The following GALNT13 variants were observed in gnomAD, a reference collection of about 807,000 sequenced individuals.
The protein encoded by GALNT13 is UDP-GalNAc:polypeptide N-acetylgalactosaminyltransferase 13.
A neutral mutation model predicts 64.2 loss-of-function variants in GALNT13; 28 were observed. The observed-to-expected ratio is 0.44, with a 90% CI of 0.32 to 0.60. The LOEUF (loss-of-function observed/expected upper bound fraction) is 0.60, where lower values mean the gene tolerates loss of function less well. Ranked by LOEUF, GALNT13 falls within the 20% of genes least tolerant of loss-of-function variation. The probability of loss-of-function intolerance (pLI) is 0.05; values close to 1 mark genes in which losing one functional copy is unlikely to be tolerated. For missense variants in GALNT13, 577 were observed against 669.8 expected, an observed-to-expected ratio of 0.86 and a Z score of 1.53; for synonymous variants, 214 against 224.6, an observed-to-expected ratio of 0.95 and a Z score of 0.42.
At chr2:153,918,847 C>T (rs1031717380) in intron 2 of GALNT13, among the ~76,000 whole-genome samples, 23 of 152,220 alleles carry the variant, frequency 1.5e-4, no homozygotes, top group Non-Finnish European at 2.1e-4. Flanking sequence ...ATTAGCTACA[C>T]TGTAACTATT....
the GALNT13 span, among the ~76,000 whole-genome samples, chr2:153,797,134 C>T: frequency 2.0e-5 from 3 of 152,154 alleles, no homozygotes; most frequent in Non-Finnish European, 2.9e-5. Flanking sequence ...ATGCCTACTT[C>T]GTCAGCAGAT....
chr2:153,158,921 C>T, the GALNT13 span: 15 of 152,390 alleles, frequency 9.8e-5, no homozygotes, highest in Non-Finnish European at 1.9e-4. Context: ...ATTCTTTGGC[C>T]TGGGCCCTCA....
intron 4 of GALNT13, among the ~76,000 whole-genome samples, chr2:154,228,346 G>A (rs1313429589): frequency 6.6e-6 from 1 of 152,040 alleles, no homozygotes; most frequent in African/African-American, 2.4e-5. Context: ...CTTTGGTCCT[G>A]AGCTCTAGTT....
chr2:153,979,751 CAA>C (rs1239975683), intron 3 of GALNT13, among the ~76,000 whole-genome samples: 1 of 152,016 alleles, frequency 6.6e-6, no homozygotes, highest in Admixed American at 6.6e-5. Context: ...AGGAAGCTGA[CAA>C]AGAGTAAAGA....
chr2:154,133,534 TTATATA>T (rs201083794), intron 3 of GALNT13, among the ~76,000 whole-genome samples: 1,099 of 76,434 alleles, frequency 0.014, 12 homozygotes, highest in Admixed American at 0.016. Context: ...ACAGACCATT[TTATATA>T]TATATATATA....
the GALNT13 span, among the ~76,000 whole-genome samples, chr2:153,083,675 C>T: frequency 1.3e-5 from 2 of 151,998 alleles, no homozygotes; most frequent in Non-Finnish European, 2.9e-5. Context: ...ATATTTTCTC[C>T]CACTTTGTGG....
Position 154,020,713 on chromosome 2 carries a change from C to G in GALNT13, c.142+76074C>G, listed in dbSNP as rs879277656. Among the ~76,000 whole-genome samples, 449 of 150,368 alleles carry G rather than the reference C, an allele frequency of 3.0e-3. 1 individual carries two copies. Among genetic ancestry groups the G allele is most frequent in the African/African-American group, 0.011 (432 of 41,068 alleles). ...GAAGCTCTTTAGTTTAATTAGATCCCATTTGTCAATTTTGGCTTTTATTGC... is the reference window on the plus strand; with the variant it reads ...GAAGCTCTTTAGTTTAATTAGATCCGATTTGTCAATTTTGGCTTTTATTGC... On this transcript the variant is annotated intron_variant, in intron 3 of 12. Coordinates refer to ENST00000392825, the MANE Select transcript of GALNT13 (RefSeq NM_052917.4).
chr2:153,430,527 G>GGAGAGA, the GALNT13 span, among the ~76,000 whole-genome samples: 91 of 140,912 alleles, frequency 6.5e-4, no homozygotes, highest in Non-Finnish European at 9.9e-4. Context: ...AGGTAGGTAG[G>GGAGAGA]GAGAGAGAGA....
At chr2:154,295,884 G>A (rs904228204) in intron 8 of GALNT13, among the ~76,000 whole-genome samples, 2 of 152,152 alleles carry the variant, frequency 1.3e-5, no homozygotes, top group African/African-American at 4.8e-5. Flanking sequence ...ATGGCTTGCC[G>A]TTGTTGGCTT....
At chr2:153,123,251 C>G in the GALNT13 span, among the ~76,000 whole-genome samples, 4 of 152,184 alleles carry the variant, frequency 2.6e-5, no homozygotes, top group South Asian at 8.3e-4. Context: ...GGATTTTTCC[C>G]CTAGAGCCCT....
chr2:154,334,811 G>C (rs1695352195), intron 9 of GALNT13, among the ~76,000 whole-genome samples: 1 of 151,972 alleles, frequency 6.6e-6, no homozygotes, highest in Non-Finnish European at 1.5e-5. Context: ...CAGCCAGAGT[G>C]ATTCATTTTC....
chr2:153,408,187 A>T, the GALNT13 span, among the ~76,000 whole-genome samples: 1 of 152,156 alleles, frequency 6.6e-6, no homozygotes, highest in South Asian at 2.1e-4. Context: ...TGGACCATGA[A>T]CTGTGGGTTA....
intron 3 of GALNT13, among the ~76,000 whole-genome samples, chr2:153,966,419 G>T (rs1693350816): frequency 6.6e-6 from 1 of 150,814 alleles, no homozygotes; most frequent in African/African-American, 2.4e-5. Flanking sequence ...AGGCTGGAGT[G>T]CAGTGGCGGG....
chr2:154,420,341 T>G (rs1290720879), intron 11 of GALNT13, among the ~76,000 whole-genome samples: 1 of 152,152 alleles, frequency 6.6e-6, no homozygotes, highest in Non-Finnish European at 1.5e-5. Flanking sequence ...CTGCTGACTT[T>G]ACCAAGATGA....
chr2:153,362,664 A>T, the GALNT13 span, among the ~76,000 whole-genome samples: 1 of 152,050 alleles, frequency 6.6e-6, no homozygotes, highest in Non-Finnish European at 1.5e-5. Flanking sequence ...ATGGTAAAGG[A>T]ATCAATTCAA....
chr2:153,946,141 A>T (rs537132605), intron 3 of GALNT13, among the ~76,000 whole-genome samples: 1 of 152,252 alleles, frequency 6.6e-6, no homozygotes, highest in South Asian at 2.1e-4. Context: ...CTGAATGTAG[A>T]AAAGTGTTTT....
At chr2:153,837,275 T>G in the GALNT13 span, among the ~76,000 whole-genome samples, 1 of 152,226 alleles carries the variant, frequency 6.6e-6, no homozygotes, top group African/African-American at 2.4e-5. Context: ...TGAGCATTTT[T>G]TCATGTGTCT....
the GALNT13 span, among the ~76,000 whole-genome samples, chr2:153,694,226 G>T: frequency 6.6e-6 from 1 of 152,316 alleles, no homozygotes; most frequent in African/African-American, 2.4e-5. Flanking sequence ...GGCCTAGCGA[G>T]TTTGGGGTGC....
intron 9 of GALNT13, among the ~76,000 whole-genome samples, chr2:154,325,138 TA>T (rs879320817): frequency 1.5e-3 from 207 of 142,302 alleles, no homozygotes; most frequent in Admixed American, 1.3e-3. Flanking sequence ...AGTGAGAAAG[TA>T]AAAAAAAAAA....
Sources: allele counts gnomAD v4.1 joint callset (sites outside exome capture counted in the v4.1 genomes callset), GRCh38; gene constraint gnomAD v4.1.1; transcripts MANE v1.5; gene names NCBI Gene and HGNC (gene_info 2026-07-23, HGNC 2026-07-21).